GRIP2: variants seen among roughly 807,000 people sequenced by gnomAD.
The protein encoded by GRIP2 is glutamate receptor-interacting protein 2.
Under a neutral mutation model 108.3 loss-of-function variants are expected in GRIP2, and 58 were observed. The ratio of observed to expected loss-of-function variants is 0.54; its 90% CI spans 0.43 to 0.67. GRIP2 has a LOEUF of 0.67. GRIP2 is among the 30% of genes least tolerant of loss of function. The pLI is 0.00. For missense variants in GRIP2, 1,278 were observed against 1,430.6 expected (o/e 0.89, Z 1.72); for synonymous variants, 586 against 598.2 (o/e 0.98, Z 0.30).
upstream of GRIP2, chr3:14,542,107 C>G (rs772352201): frequency 2.3e-6 from 3 of 1,290,716 alleles, no homozygotes; most frequent in African/African-American, 1.5e-5. Context: ...GGAGTTAGAT[C>G]TGCCCCTTCT....
At chr3:14,500,086 C>A (rs74413556) in intron 21 of GRIP2, among the ~76,000 whole-genome samples, 8 of 151,792 alleles carry the variant, frequency 5.3e-5, no homozygotes, top group Admixed American at 1.3e-4. Flanking sequence ...CAAAACAAAA[C>A]AAAATTGTAG....
chr3:14,495,953 C>A (rs1202839148), intron 22 of GRIP2, among the ~76,000 whole-genome samples: 1 of 152,022 alleles, frequency 6.6e-6, no homozygotes, highest in East Asian at 1.9e-4. Flanking sequence ...TGAGACCAGC[C>A]TGGGCAACCT....
the GRIP2 span, among the ~76,000 whole-genome samples, chr3:14,588,945 T>C: frequency 6.6e-6 from 1 of 152,006 alleles, no homozygotes; most frequent in East Asian, 1.9e-4. Flanking sequence ...CCCCAAAACC[T>C]GCCTCCATCC....
intron 1 of GRIP2, among the ~76,000 whole-genome samples, chr3:14,549,500 C>T (rs2124976322): frequency 6.6e-6 from 1 of 152,272 alleles, no homozygotes; most frequent in East Asian, 1.9e-4. Context: ...GGTGGCCATT[C>T]ACCCCGTTAT....
the GRIP2 span, among the ~76,000 whole-genome samples, chr3:14,583,839 C>T: frequency 1.1e-4 from 16 of 152,164 alleles, no homozygotes; most frequent in Admixed American, 2.0e-4. Context: ...CACCAGTGTA[C>T]GCCAAGTTCC....
At chr3:14,582,279 C>A in the GRIP2 span, among the ~76,000 whole-genome samples, 67 of 152,320 alleles carry the variant, frequency 4.4e-4, no homozygotes, top group African/African-American at 1.6e-3. Flanking sequence ...CCTTTTCATG[C>A]ATTTACTGGC....
In GRIP2 at chr3:14,512,277, C is replaced by T. The variant is rs1393056514; in HGVS notation, c.1720+500G>A. 6.6e-6 allele frequency among the ~76,000 whole-genome samples: 1 copy of T among 152,120 alleles called. No homozygotes were observed. Among genetic ancestry groups the T allele is most frequent in the African/African-American group, 2.4e-5 (1 of 41,442 alleles). ...CAGAGCACAGAGGGCCTCACTGGGG[C>T]CCGAGGCCCTCAGCTTTTACTCAGA... On this transcript the variant is annotated intron_variant, in intron 14 of 23. Coordinates refer to ENST00000621039, the MANE Select transcript of GRIP2 (RefSeq NM_001080423.4). This position sits in a 1 kb window ranked among gnomAD's most constrained non-coding sequence, Gnocchi z 5.1.
chr3:14,602,619 T>G, the GRIP2 span, among the ~76,000 whole-genome samples: 1 of 151,164 alleles, frequency 6.6e-6, no homozygotes, highest in Non-Finnish European at 1.5e-5. The surrounding 1 kb of genome is among the most constrained non-coding windows in gnomAD (Gnocchi z 4.7). Flanking sequence ...CCTCGAGGGC[T>G]CAGACCCTTC....
chr3:14,544,538 G>A (rs1407664639), upstream of GRIP2, among the ~76,000 whole-genome samples: 3 of 152,186 alleles, frequency 2.0e-5, no homozygotes, highest in Non-Finnish European at 2.9e-5. Flanking sequence ...TAACACAGGC[G>A]AGCCTTGTCC....
intron 1 of GRIP2, among the ~76,000 whole-genome samples, chr3:14,550,640 T>C (rs1695131882): frequency 6.6e-6 from 1 of 152,172 alleles, no homozygotes; most frequent in African/African-American, 2.4e-5. Flanking sequence ...GGAGTATATG[T>C]GGGGCTGCGG....
the GRIP2 span, chr3:14,573,461 C>T: frequency 6.5e-7 from 1 of 1,530,944 alleles, no homozygotes; most frequent in Non-Finnish European, 9.0e-7. Flanking sequence ...GGCGGTAGAA[C>T]TGGTCAGGCA....
At chr3:14,546,091 A>C (rs761454155), upstream of GRIP2, among the ~76,000 whole-genome samples, 1 of 152,186 alleles carries the variant, frequency 6.6e-6, no homozygotes, top group Non-Finnish European at 1.5e-5. Context: ...GCTGAGCCCC[A>C]GGTCTCCTTC....
chr3:14,558,610 G>C (rs954601796), upstream of GRIP2, among the ~76,000 whole-genome samples: 17 of 152,164 alleles, frequency 1.1e-4, no homozygotes, highest in Non-Finnish European at 2.4e-4. Context: ...GGGGTTTCCT[G>C]TCACCAGTTA....
Position 14,512,647 on chromosome 3 carries a change from A to C in GRIP2, c.1720+130T>G, listed in dbSNP as rs879582983. 1 of 804,554 alleles carries C rather than the reference A, an allele frequency of 1.2e-6. No individual in the cohort carries two copies. Among genetic ancestry groups the C allele is most frequent in the Non-Finnish European group, 2.0e-6 (1 of 508,104 alleles). The allele number at this position is 804,554 out of a possible 1,614,324, so 49.8% of individuals were successfully genotyped here. On this transcript the variant is annotated intron_variant, in intron 14 of 23. Coordinates refer to ENST00000621039, the MANE Select transcript of GRIP2 (RefSeq NM_001080423.4). This position sits in a 1 kb window ranked among gnomAD's most constrained non-coding sequence, Gnocchi z 5.1. Reference sequence around the variant, plus strand: ...GGTCCACGGAAGCCAGCCTCCCCACACCCCCAAGCCTTTTCCTCGGGCCCC... The same window carrying C: ...GGTCCACGGAAGCCAGCCTCCCCACCCCCCCAAGCCTTTTCCTCGGGCCCC...
chr3:14,589,993 A>G, the GRIP2 span, among the ~76,000 whole-genome samples: 100,128 of 151,856 alleles, frequency 0.66, 33,505 homozygotes, highest in African/African-American at 0.78. Context: ...AGGTCTCACC[A>G]TGTTACCTAG....
intron 21 of GRIP2, among the ~76,000 whole-genome samples, chr3:14,499,790 C>T (rs574942602): frequency 1.3e-5 from 2 of 152,162 alleles, no homozygotes; most frequent in African/African-American, 4.8e-5. Flanking sequence ...AGTCTGTTTA[C>T]AGGGGTGTCC....
At chr3:14,542,456 T>G (rs1694992569), upstream of GRIP2, among the ~76,000 whole-genome samples, 1 of 150,264 alleles carries the variant, frequency 6.7e-6, no homozygotes, top group Admixed American at 6.6e-5. Flanking sequence ...GATTGGCAAT[T>G]GGAAGCCTTG....
chr3:14,557,461 GCAGAAGGTGAGGCT>G (rs1186953276), upstream of GRIP2, among the ~76,000 whole-genome samples: 3 of 152,214 alleles, frequency 2.0e-5, no homozygotes, highest in African/African-American at 7.2e-5. Context: ...GGCACTACTG[GCAGAAGGTGAGGCT>G]CAGGGAGGCT....
the GRIP2 span, chr3:14,574,140 C>T: frequency 2.1e-6 from 2 of 944,584 alleles, no homozygotes; most frequent in South Asian, 1.3e-5. Flanking sequence ...GGGCACGATG[C>T]CATAGATGCA....
Sources: gnomAD v4.1 joint callset for allele counts (sites outside exome capture counted in the v4.1 genomes callset) on GRCh38, gnomAD v4.1.1 for gene constraint, Gnocchi (gnomAD v3.1) non-coding constraint, MANE v1.5 for transcripts, NCBI Gene and HGNC (gene_info 2026-07-23, HGNC 2026-07-21) for gene names.